PAX7: variants seen among roughly 807,000 people sequenced by gnomAD.
PAX7 encodes paired box 7, also known as paired box protein Pax-7.
PAX7 carries 18 observed loss-of-function variants against 50.7 expected under a neutral mutation model. The ratio of observed to expected loss-of-function variants is 0.36; its 90% CI spans 0.25 to 0.53. PAX7 has a LOEUF of 0.53. PAX7 is among the 20% of genes least tolerant of loss of function. The pLI is 0.93. For missense variants in PAX7, 644 were observed against 702.9 expected (o/e 0.92, Z 0.95); for synonymous variants, 310 against 290.4 (o/e 1.07, Z -0.69).
intron 7 of PAX7, among the ~76,000 whole-genome samples, chr1:18,713,522 T>G (rs1376724957): frequency 6.6e-6 from 1 of 152,212 alleles, no homozygotes; most frequent in Non-Finnish European, 1.5e-5. Context: ...TTACATATGA[T>G]TCCCTTCAAA....
In PAX7 at chr1:18,741,805, G is replaced by T. The variant is rs72943158; in HGVS notation, c.1403-3009G>T. Among the ~76,000 whole-genome samples the T allele has an allele frequency of 6.5e-3, 988 of 152,298 alleles. 13 individuals are homozygous for T. Among genetic ancestry groups the T allele is most frequent in the African/African-American group, 0.023 (954 of 41,560 alleles). On this transcript the variant is annotated intron_variant, in intron 8 of 8. Coordinates refer to ENST00000420770, the MANE Select transcript of PAX7 (RefSeq NM_001135254.2). ...GAACATGGGATCAATGCAGAATTTG[G>T]GGTGCAGAGCACCTCGTGCCCTCTA...
Position 18,631,342 on chromosome 1 carries a change from T to C in PAX7, c.-262T>C, listed in dbSNP as rs2088039210. 2 of 473,824 alleles carry C rather than the reference T, an allele frequency of 4.2e-6. No individual in the cohort carries two copies. Among genetic ancestry groups the C allele is most frequent in the Admixed American group, 3.4e-5 (1 of 29,692 alleles). The allele number at this position is 473,824 out of a possible 1,614,324, so 29.4% of individuals were successfully genotyped here. A position where few individuals can be genotyped will look rare whatever the true frequency, so the allele number is the denominator to read the frequency against. The stretch of plus-strand genomic sequence containing the variant: ...GAGGCGGACTTGGGGTTGGAGTGTT[T>C]GTTTGTTTGAACTTCCTCGTCGTCG... On this transcript the variant is annotated 5_prime_UTR_variant, in exon 1 of 9. Coordinates refer to ENST00000420770, the MANE Select transcript of PAX7 (RefSeq NM_001135254.2).
intron 4 of PAX7, among the ~76,000 whole-genome samples, chr1:18,646,945 A>T (rs1217034910): frequency 7.4e-6 from 1 of 134,614 alleles, no homozygotes; most frequent in Non-Finnish European, 1.6e-5. Flanking sequence ...GGATGAAGTC[A>T]AGAGCGGGCA....
rs570760641 is a variant in PAX7 at position 18,656,945 on chromosome 1, T to A, written c.586+20574T>A. Among the ~76,000 whole-genome samples, 234 of 152,174 alleles carry A rather than the reference T, an allele frequency of 1.5e-3. 2 individuals carry two copies. Among genetic ancestry groups the A allele is most frequent in the Middle Eastern group, 0.01 (3 of 294 alleles). ...AGGTCGAGGTTGCAGTGAGCCGTGA[T>A]CACACCACTGCACTGCAGCCTTGAC... is the stretch of plus-strand genomic sequence containing the variant. On this transcript the variant is annotated intron_variant, in intron 4 of 8. Transcript: ENST00000420770.
At chr1:18,655,046 T>C (rs1255397294) in intron 4 of PAX7, among the ~76,000 whole-genome samples, 1 of 152,226 alleles carries the variant, frequency 6.6e-6, no homozygotes, top group Non-Finnish European at 1.5e-5. Flanking sequence ...ATGCATTCCT[T>C]TAATTTGGGC....
Position 18,735,524 on chromosome 1 carries a change from A to G in PAX7, c.1156-108A>G. 2.6e-6 allele frequency: 4 copies of G among 1,515,996 alleles called. No homozygotes were observed. The highest frequency in any genetic ancestry group is 1.8e-6 in the Non-Finnish European group (2 of 1,129,694). The allele number at this position is 1,515,996 out of a possible 1,614,324, so 93.9% of individuals were successfully genotyped here. On this transcript the variant is annotated intron_variant, in intron 7 of 8. Coordinates refer to ENST00000420770, the MANE Select transcript of PAX7 (RefSeq NM_001135254.2). This position sits in a 1 kb window ranked among gnomAD's most constrained non-coding sequence, Gnocchi z 4.0. ...TCGAAGCTACAGAGACTTCAAGGGA[A>G]CAACTCTGGCAAAGAGTGTTCCAGG...
intron 4 of PAX7, among the ~76,000 whole-genome samples, chr1:18,655,492 C>T (rs1234860445): frequency 2.6e-5 from 4 of 152,148 alleles, no homozygotes; most frequent in Non-Finnish European, 5.9e-5. Context: ...GACCCAGGCA[C>T]CTGAGGGTTG....
intron 7 of PAX7, among the ~76,000 whole-genome samples, chr1:18,720,180 G>T (rs1465793329): frequency 2.0e-5 from 3 of 152,210 alleles, no homozygotes; most frequent in Non-Finnish European, 4.4e-5. Context: ...GCCTGCGGAT[G>T]TTTGAGAAGC....
At chr1:18,679,453 T>C (rs1008668959) in intron 4 of PAX7, among the ~76,000 whole-genome samples, 5 of 152,204 alleles carry the variant, frequency 3.3e-5, no homozygotes. Context: ...TGCCTTTTCC[T>C]TTCCATGCCG....
At chr1:18,723,444 TGA>T (rs900157824) in intron 7 of PAX7, among the ~76,000 whole-genome samples, 1 of 152,204 alleles carries the variant, frequency 6.6e-6, no homozygotes, top group African/African-American at 2.4e-5. Context: ...ATATGGGCAC[TGA>T]GAGGGAAATC....
intron 5 of PAX7, among the ~76,000 whole-genome samples, chr1:18,697,278 C>T (rs2089162109): frequency 6.6e-6 from 1 of 152,146 alleles, no homozygotes; most frequent in Admixed American, 6.6e-5. Flanking sequence ...GAACTCAGTC[C>T]TGACCAGAGA....
At chr1:18,662,314 G>A (rs770404752) in intron 4 of PAX7, among the ~76,000 whole-genome samples, 58 of 152,270 alleles carry the variant, frequency 3.8e-4, no homozygotes, top group Middle Eastern at 3.4e-3. Context: ...CCCCTGCCCC[G>A]GCAGTCTTGG....
At position 18,651,333 on chromosome 1, in the gene PAX7, A is replaced by T. The variant is rs565638374; in HGVS notation, c.586+14962A>T. On this transcript the variant is annotated intron_variant, in intron 4 of 8. Transcript: ENST00000420770. ...ATCGGTGGCTCTAAAATGTATATGC[A>T]TATATTTTTATAGGTTTTTGAAAGA... Among the ~76,000 whole-genome samples, 11 of 152,338 alleles carry T rather than the reference A, an allele frequency of 7.2e-5. No homozygotes were observed. The South Asian group carries it at 2.1e-3, about 29-fold the overall frequency.
chr1:18,730,240 T>C (rs1175478817), intron 7 of PAX7, among the ~76,000 whole-genome samples: 1 of 152,162 alleles, frequency 6.6e-6, no homozygotes, highest in Non-Finnish European at 1.5e-5. Context: ...CACAGAAGGT[T>C]AAAGAAATTG....
intron 4 of PAX7, among the ~76,000 whole-genome samples, chr1:18,647,687 G>A (rs535498650): frequency 1.3e-5 from 2 of 152,174 alleles, no homozygotes; most frequent in Non-Finnish European, 2.9e-5. Flanking sequence ...AGGGCAAACT[G>A]GGAGGCTGGA....
intron 8 of PAX7, among the ~76,000 whole-genome samples, chr1:18,740,361 G>A (rs1557562684): frequency 6.6e-6 from 1 of 152,184 alleles, no homozygotes; most frequent in Non-Finnish European, 1.5e-5. Context: ...GCTGGTCGCT[G>A]GGAGAGGCTG....
At position 18,726,241 on chromosome 1, in the gene PAX7, C is replaced by A. The variant is rs553024673; in HGVS notation, c.1156-9391C>A. 6.6e-6 allele frequency among the ~76,000 whole-genome samples: 1 copy of A among 152,018 alleles called. No homozygotes were observed. The highest frequency in any genetic ancestry group is 6.6e-5 in the Admixed American group (1 of 15,252). ...GTTCCTCCCTCCACCCCCACCTCAC[C>A]TCTAGACAGTCCTTAACTAAAAGCC... On this transcript the variant is annotated intron_variant, in intron 7 of 8. Transcript: ENST00000420770. The surrounding 1 kb of genome is among the most constrained non-coding windows in gnomAD (Gnocchi z 4.8).
intron 7 of PAX7, among the ~76,000 whole-genome samples, chr1:18,730,148 A>T (rs1022707873): frequency 6.6e-6 from 1 of 152,182 alleles, no homozygotes; most frequent in Non-Finnish European, 1.5e-5. Flanking sequence ...TCCAGTGTAC[A>T]TTTACTCACT....
chr1:18,683,551 G>T (rs1037570440), intron 4 of PAX7, among the ~76,000 whole-genome samples: 1 of 152,208 alleles, frequency 6.6e-6, no homozygotes, highest in African/African-American at 2.4e-5. Flanking sequence ...AGTCAAGAAT[G>T]CCCATTGGCC....
Sources: gnomAD v4.1 joint callset for allele counts (sites outside exome capture counted in the v4.1 genomes callset) on GRCh38, gnomAD v4.1.1 for gene constraint, Gnocchi (gnomAD v3.1) non-coding constraint, MANE v1.5 for transcripts, NCBI Gene and HGNC (gene_info 2026-07-23, HGNC 2026-07-21) for gene names.